PARN: variants seen among roughly 807,000 people sequenced by gnomAD.
PARN encodes the protein poly(A)-specific ribonuclease PARN.
In PARN, 71 loss-of-function variants were observed where a neutral mutation model predicts 102.8. The ratio of observed to expected loss-of-function variants is 0.69; its 90% confidence interval spans 0.57 to 0.84. PARN has a LOEUF of 0.84. Ranked by LOEUF, PARN falls within the 40% of genes least tolerant of loss-of-function variation. The pLI is 0.00. For missense variants in PARN, 782 were observed against 760.9 expected (o/e 1.03, Z -0.33); for synonymous variants, 261 against 252.9 (o/e 1.03, Z -0.30).
In PARN at chr16:14,627,335, T is replaced by C; in HGVS notation, c.179A>G (p.His60Arg). Residue 60 changes from histidine to arginine, a missense_variant and splice_region_variant, in exon 4 of 24, where the codon CAT becomes CGT. Physicochemically the swap from His to Arg is conservative, Grantham distance 29 (BLOSUM62 0). Coordinates refer to ENST00000437198, the MANE Select transcript of PARN (RefSeq NM_002582.4). ...CTGAAATAGCAAAAAGTCCATGGAATGCTGGAAAAGGGAAATAAAACATCT... is the reference window on the plus strand; with the variant it reads ...CTGAAATAGCAAAAAGTCCATGGAACGCTGGAAAAGGGAAATAAAACATCT... ...PEERYQKLKK[H>R]SMDFLLFQFG... 2 of 1,581,824 alleles carry C rather than the reference T, an allele frequency of 1.3e-6. No homozygotes were observed. Among genetic ancestry groups the C allele is most frequent in the Non-Finnish European group, 1.7e-6 (2 of 1,162,290 alleles).
At chr16:14,546,299 C>T (rs2151696588) in intron 21 of PARN, among the ~76,000 whole-genome samples, 1 of 152,318 alleles carries the variant, frequency 6.6e-6, no homozygotes, top group Non-Finnish European at 1.5e-5. Flanking sequence ...TTTAAAAACA[C>T]AATTTAACAT....
chr16:14,483,219 C>T (rs575360655), intron 21 of PARN, among the ~76,000 whole-genome samples: 1 of 152,330 alleles, frequency 6.6e-6, no homozygotes, highest in East Asian at 1.9e-4. Flanking sequence ...TAAACCCTCA[C>T]TATTTTCCTA....
At chr16:14,575,960 A>G (rs1969108388) in intron 18 of PARN, 1 of 152,550 alleles carries the variant, frequency 6.6e-6, no homozygotes, top group Non-Finnish European at 1.5e-5. Context: ...TAAAAATGGG[A>G]GTGTCCCTGC....
intron 12 of PARN, among the ~76,000 whole-genome samples, chr16:14,597,947 C>T (rs1970626621): frequency 6.6e-6 from 1 of 151,980 alleles, no homozygotes; most frequent in African/African-American, 2.4e-5. Flanking sequence ...AGTTCGAGGC[C>T]AGCCTGGCCA....
intron 18 of PARN, 93 bp from the exon 19 acceptor site, chr16:14,555,802 T>C (rs1200734497): frequency 1.8e-6 from 1 of 571,286 alleles, no homozygotes; most frequent in Admixed American, 3.5e-5. Flanking sequence ...AAAAAAATTT[T>C]AATAGGCATT....
chr16:14,441,710 G>A (rs757525511), intron 23 of PARN, among the ~76,000 whole-genome samples: 8 of 152,182 alleles, frequency 5.3e-5, no homozygotes, highest in Non-Finnish European at 1.2e-4. Flanking sequence ...CACCTCCTTC[G>A]CCACGTTCAC....
At chr16:14,546,483 G>C (rs573273333) in intron 21 of PARN, among the ~76,000 whole-genome samples, 3 of 152,182 alleles carry the variant, frequency 2.0e-5, no homozygotes, top group African/African-American at 7.2e-5. Flanking sequence ...AATAACTGTT[G>C]AGTTCCTGCC....
At position 14,542,668 on chromosome 16, in the gene PARN, C is replaced by T. The variant is rs1450322345; in HGVS notation, c.1480+9353G>A. On this transcript the variant is annotated intron_variant, in intron 21 of 23. Transcript: ENST00000437198. ...AAATAAACTGAATGAAAATACATAA[C>T]TAAAGTATACAATATATGCAATAAA... Among the ~76,000 whole-genome samples the T allele has an allele frequency of 2.0e-5, 3 of 151,970 alleles. No individual in the cohort carries two copies. The East Asian group carries it at 5.8e-4, about 29-fold the overall frequency.
At chr16:14,440,704 C>G (rs2151549185) in intron 23 of PARN, among the ~76,000 whole-genome samples, 1 of 152,278 alleles carries the variant, frequency 6.6e-6, no homozygotes, top group East Asian at 1.9e-4. Flanking sequence ...CGCACCACCA[C>G]AAATCACAAA....
intron 21 of PARN, among the ~76,000 whole-genome samples, chr16:14,546,355 CT>C (rs1456276027): frequency 6.6e-6 from 1 of 152,208 alleles, no homozygotes; most frequent in Non-Finnish European, 1.5e-5. Context: ...AGTGTCTTCC[CT>C]CATCCCAAAA....
At chr16:14,575,432 T>TG (rs1163971300) in intron 18 of PARN, among the ~76,000 whole-genome samples, 1 of 152,222 alleles carries the variant, frequency 6.6e-6, no homozygotes, top group Admixed American at 6.5e-5. Flanking sequence ...ACGTGAGACA[T>TG]GGAGTCAAAG....
chr16:14,446,212 G>A (rs964441629), intron 23 of PARN, among the ~76,000 whole-genome samples: 3 of 152,198 alleles, frequency 2.0e-5, no homozygotes, highest in Admixed American at 1.3e-4. Flanking sequence ...CATCTGCGGG[G>A]TGGAGAGGAC....
At chr16:14,477,117 G>A (rs1393181863) in intron 22 of PARN, among the ~76,000 whole-genome samples, 1 of 152,136 alleles carries the variant, frequency 6.6e-6, no homozygotes, top group Admixed American at 6.5e-5. Context: ...GTAAAAGACT[G>A]AACAAAAATA....
intron 21 of PARN, among the ~76,000 whole-genome samples, chr16:14,514,903 G>A (rs767167640): frequency 2.0e-5 from 3 of 152,158 alleles, no homozygotes; most frequent in Non-Finnish European, 4.4e-5. Flanking sequence ...AAGGCTGCAC[G>A]GGGAAGCTAC....
intron 22 of PARN, among the ~76,000 whole-genome samples, chr16:14,452,628 C>T (rs774942362): frequency 6.6e-6 from 1 of 152,222 alleles, no homozygotes; most frequent in Non-Finnish European, 1.5e-5. Context: ...TGAGCCACCG[C>T]ACCCACCCTA....
intron 6 of PARN, among the ~76,000 whole-genome samples, chr16:14,613,728 T>C (rs1262560507): frequency 1.3e-5 from 2 of 152,138 alleles, no homozygotes; most frequent in Non-Finnish European, 2.9e-5. Context: ...GCAAGAACTA[T>C]CAATAGATGC....
At chr16:14,541,567 C>CT (rs1208205979) in intron 21 of PARN, among the ~76,000 whole-genome samples, 1 of 151,548 alleles carries the variant, frequency 6.6e-6, no homozygotes, top group Non-Finnish European at 1.5e-5. Context: ...CCTCTGCCTC[C>CT]TGGGTTCAAG....
At chr16:14,563,501 T>C (rs1311364457) in intron 18 of PARN, among the ~76,000 whole-genome samples, 11 of 150,184 alleles carry the variant, frequency 7.3e-5, no homozygotes, top group African/African-American at 2.5e-4. Context: ...TGTGTGTGTG[T>C]GTGTGTGTGT....
At chr16:14,494,662 CAG>C (rs1454260037) in intron 21 of PARN, among the ~76,000 whole-genome samples, 3 of 152,204 alleles carry the variant, frequency 2.0e-5, no homozygotes, top group African/African-American at 7.2e-5. Flanking sequence ...GAACGATGCG[CAG>C]AGGAGCGCCA....
Sources: gnomAD v4.1 joint callset for allele counts (sites outside exome capture counted in the v4.1 genomes callset) on GRCh38, gnomAD v4.1.1 for gene constraint, MANE v1.5 for transcripts, NCBI Gene and HGNC (gene_info 2026-07-23, HGNC 2026-07-21) for gene names.